Variants in LRRIQ3 observed in about 807,000 individuals in gnomAD.
LRRIQ3 encodes the protein leucine rich repeats and IQ motif containing 3.
LRRIQ3 carries 75 observed loss-of-function variants against 59.3 expected under a neutral mutation model. That is an observed-to-expected ratio of 1.26 (90% CI 1.05 to 1.53). The LOEUF is 1.53. Ranked by LOEUF, LRRIQ3 falls within the 40% of genes most tolerant of loss-of-function variation. The probability of loss-of-function intolerance (pLI) is 0.00; values close to 1 mark genes in which losing one functional copy is unlikely to be tolerated. For synonymous variants in LRRIQ3, 250 were observed against 231.3 expected (o/e 1.08, Z -0.73); for missense variants, 831 against 710.0 (o/e 1.17, Z -1.94).
chr1:74,105,253 GTGTA>G (rs202144907), intron 5 of LRRIQ3, among the ~76,000 whole-genome samples: 9 of 26,476 alleles, frequency 3.4e-4, no homozygotes, highest in East Asian at 0.011. Context: ...GTGTGTGTGT[GTGTA>G]TTTTTTTTTT....
chr1:74,130,128 G>A (rs1350882863), intron 4 of LRRIQ3, among the ~76,000 whole-genome samples: 1 of 152,006 alleles, frequency 6.6e-6, no homozygotes, highest in Non-Finnish European at 1.5e-5. Flanking sequence ...ATGCTCCCCT[G>A]TCAACTCCAC....
intron 4 of LRRIQ3, among the ~76,000 whole-genome samples, chr1:74,127,514 C>G (rs1216906520): frequency 1.3e-5 from 2 of 151,646 alleles, no homozygotes; most frequent in African/African-American, 4.8e-5. Context: ...GATACCATGA[C>G]CCTTGCAAAT....
At position 74,041,442 on chromosome 1, in the gene LRRIQ3, C is replaced by T. The variant is rs1319698728; in HGVS notation, c.1489G>A (p.Ala497Thr). Residue 497 changes from alanine (A) to threonine (T), a missense_variant, in exon 7 of 8, where the codon GCT becomes ACT. Physicochemically the swap from Ala to Thr is moderately conservative, Grantham distance 58. Transcript: ENST00000354431. ...WQNRFNYLEK[A>T]RERKALFLKE... Reference sequence around the variant, plus strand: ...AGAAACAGAGCTTTTCTCTCTCTAGCTTTTTCAAGGTAGTTGAATCTGTTT... The same window carrying T: ...AGAAACAGAGCTTTTCTCTCTCTAGTTTTTTCAAGGTAGTTGAATCTGTTT... 5 of 1,613,688 alleles carry T rather than the reference C, an allele frequency of 3.1e-6. No homozygotes were observed. The highest frequency in any genetic ancestry group is 1.7e-4 in the Middle Eastern group (1 of 6,060).
At chr1:74,070,890 G>C (rs1570065192) in intron 6 of LRRIQ3, among the ~76,000 whole-genome samples, 1 of 151,394 alleles carries the variant, frequency 6.6e-6, no homozygotes, top group East Asian at 1.9e-4. Context: ...AGAAAAAATA[G>C]AGAAATTATA....
intron 4 of LRRIQ3, among the ~76,000 whole-genome samples, chr1:74,127,593 G>A (rs2100601473): frequency 6.6e-6 from 1 of 151,738 alleles, no homozygotes; most frequent in East Asian, 1.9e-4. Flanking sequence ...AAAGAGAATT[G>A]TAATAAAAAT....
chr1:74,081,026 G>T (rs150554319), intron 5 of LRRIQ3, among the ~76,000 whole-genome samples: 2 of 151,452 alleles, frequency 1.3e-5, no homozygotes, highest in Non-Finnish European at 3.0e-5. Context: ...ACTCTAAAAA[G>T]TTACTTAAAA....
intron 6 of LRRIQ3, among the ~76,000 whole-genome samples, chr1:74,071,759 G>C (rs774832227): frequency 5.3e-5 from 8 of 152,262 alleles, no homozygotes; most frequent in Non-Finnish European, 1.0e-4. Flanking sequence ...GCATGTTCAA[G>C]ACTGAAAGGC....
rs200648417 is a variant in LRRIQ3, at chr1:74,185,572, G to GT, written c.1-1889dup. Among the ~76,000 whole-genome samples, 550 of 151,532 alleles carry GT rather than the reference G, an allele frequency of 3.6e-3. 3 individuals carry two copies. The highest frequency in any genetic ancestry group is 0.011 in the African/African-American group (452 of 41,330). On this transcript the variant is annotated intron_variant, in intron 1 of 7. Transcript: ENST00000354431. ...CTTTGTCAGATATGTGTTTTCCAAA[G>GT]TTTTTTTTTCCCATTCTGTGGCTTG...
At chr1:74,150,341 C>T (rs1647850966) in intron 4 of LRRIQ3, among the ~76,000 whole-genome samples, 1 of 152,026 alleles carries the variant, frequency 6.6e-6, no homozygotes, top group Non-Finnish European at 1.5e-5. Context: ...TATTGGGGAT[C>T]CCTCTTACAT....
At chr1:74,123,470 C>T (rs141058565) in intron 4 of LRRIQ3, among the ~76,000 whole-genome samples, 1 of 152,102 alleles carries the variant, frequency 6.6e-6, no homozygotes, top group East Asian at 1.9e-4. Flanking sequence ...TTCCCAGCTT[C>T]TGGTAACCAT....
At position 74,155,805 on chromosome 1, in the gene LRRIQ3, A is replaced by AT. The variant is rs751017490; in HGVS notation, c.634dup (p.Ile212AsnfsTer5). ...CAAAACTGGTGAATTATGAGCCAGA[A>AT]TTGCATTAATTTTTGAAGTAATATG... On this transcript the variant is annotated frameshift_variant, in exon 4 of 8. Coordinates refer to ENST00000354431, the MANE Select transcript of LRRIQ3 (RefSeq NM_001105659.2). LOFTEE classifies it high-confidence loss of function. 6.3e-7 allele frequency: 1 copy of AT among 1,585,572 alleles called. No homozygotes were observed. The highest frequency in any genetic ancestry group is 1.2e-5 in the South Asian group (1 of 83,806).
At chr1:74,161,249 A>C (rs1157222946) in intron 3 of LRRIQ3, among the ~76,000 whole-genome samples, 2 of 151,944 alleles carry the variant, frequency 1.3e-5, no homozygotes, top group Non-Finnish European at 2.9e-5. Flanking sequence ...AATCACCTCC[A>C]AAAGTCTCCA....
intron 5 of LRRIQ3, among the ~76,000 whole-genome samples, chr1:74,087,381 C>CTTTTTTTTTTTTTTTTTTTTTT (rs57068994): frequency 8.5e-5 from 5 of 59,010 alleles, no homozygotes; most frequent in South Asian, 8.1e-4. Flanking sequence ...AAAATTTTAT[C>CTTTTTTTTTTTTTTTTTTTTTT]TTTTTTTTTT....
chr1:74,174,167 AC>A (rs1258665786), intron 3 of LRRIQ3, among the ~76,000 whole-genome samples: 1 of 151,568 alleles, frequency 6.6e-6, no homozygotes, highest in Admixed American at 6.6e-5. Flanking sequence ...ATATTGTTTT[AC>A]TTGATGGTGT....
chr1:74,027,568 C>A (rs1653556585), intron 7 of LRRIQ3, among the ~76,000 whole-genome samples: 1 of 152,062 alleles, frequency 6.6e-6, no homozygotes, highest in South Asian at 2.1e-4. Flanking sequence ...CACCTGCTGA[C>A]ACTTTGTTCT....
At chr1:74,043,344 T>G (rs544129030) in intron 6 of LRRIQ3, among the ~76,000 whole-genome samples, 1 of 152,100 alleles carries the variant, frequency 6.6e-6, no homozygotes, top group African/African-American at 2.4e-5. Flanking sequence ...GGTGGTTTTA[T>G]GGAAGTTAAG....
intron 6 of LRRIQ3, among the ~76,000 whole-genome samples, chr1:74,067,271 A>G (rs1037349710): frequency 2.0e-5 from 3 of 152,074 alleles, no homozygotes; most frequent in Non-Finnish European, 2.9e-5. Context: ...TTAAACATAC[A>G]AAAGTGGAAG....
intron 4 of LRRIQ3, chr1:74,138,662 C>T (rs2100630866): frequency 5.8e-6 from 1 of 172,078 alleles, no homozygotes; most frequent in Admixed American, 6.6e-5. Flanking sequence ...GATTGAGAAA[C>T]TACATTTTTG....
chr1:74,152,606 A>G (rs1385843562), intron 4 of LRRIQ3, among the ~76,000 whole-genome samples: 2 of 152,218 alleles, frequency 1.3e-5, no homozygotes, highest in African/African-American at 4.8e-5. Flanking sequence ...TGTTGGATTA[A>G]CATTTGGGGT....
Sources: allele counts gnomAD v4.1 joint callset (sites outside exome capture counted in the v4.1 genomes callset), GRCh38; gene constraint gnomAD v4.1.1; transcripts MANE v1.5; gene names NCBI Gene and HGNC (gene_info 2026-07-23, HGNC 2026-07-21).